Variants in RBFOX1 observed in about 807,000 individuals in gnomAD.
The protein encoded by RBFOX1 is RNA binding protein fox-1 homolog 1.
A neutral mutation model predicts 57.7 loss-of-function variants in RBFOX1; 8 were observed. That is an observed-to-expected ratio of 0.14 (90% confidence interval 0.08 to 0.25). The LOEUF (loss-of-function observed/expected upper bound fraction) is 0.25, where lower values mean the gene tolerates loss of function less well. Ranked by LOEUF, RBFOX1 falls within the 10% of genes least tolerant of loss-of-function variation. The probability of loss-of-function intolerance (pLI) is 1.00; values close to 1 mark genes in which losing one functional copy is unlikely to be tolerated. For missense variants in RBFOX1, 611 were observed against 548.5 expected, an observed-to-expected ratio of 1.11 and a Z score of -1.14; for synonymous variants, 326 against 222.4, an observed-to-expected ratio of 1.47 and a Z score of -4.15.
At chr16:7,011,413 G>C (rs1596940485) in intron 3 of RBFOX1, among the ~76,000 whole-genome samples, 2 of 152,296 alleles carry the variant, frequency 1.3e-5, no homozygotes, top group Admixed American at 6.5e-5. Context: ...GCTGTTTGTT[G>C]CTATGTGTTT....
In RBFOX1 at chr16:7,036,225, C is replaced by G. The variant is rs533975326; in HGVS notation, c.-15-15832C>G. Among the ~76,000 whole-genome samples, 813 of 150,826 alleles carry G rather than the reference C, an allele frequency of 5.4e-3. 2 individuals are homozygous for G. The highest frequency in any genetic ancestry group is 9.2e-3 in the Non-Finnish European group (621 of 67,806). On this transcript the variant is annotated intron_variant, in intron 3 of 15. Transcript: ENST00000550418. ...ACATTTTTTTTTTTTTCCATGACAG[C>G]CTTGTAGTTGTTACATGATTTATTT...
intron 4 of RBFOX1, among the ~76,000 whole-genome samples, chr16:7,117,952 T>C (rs1250683181): frequency 1.3e-5 from 2 of 152,146 alleles, no homozygotes; most frequent in Non-Finnish European, 2.9e-5. Flanking sequence ...GGGAGAGAGA[T>C]CCAGCAAGAG....
At chr16:5,698,660 A>G (rs2050924621) in intron 3 of RBFOX1, among the ~76,000 whole-genome samples, 1 of 152,192 alleles carries the variant, frequency 6.6e-6, no homozygotes, top group Non-Finnish European at 1.5e-5. Context: ...TGTCTGTAGC[A>G]ATACTGTTCA....
At chr16:5,475,151 A>T (rs191811660) in intron 2 of RBFOX1, among the ~76,000 whole-genome samples, 95 of 152,320 alleles carry the variant, frequency 6.2e-4, no homozygotes, top group Middle Eastern at 3.4e-3. Context: ...ATTTAGTGCA[A>T]ATATATTTGC....
rs114773225 is a variant in RBFOX1, at chr16:5,720,174, G to C, written c.318+121213G>C. On this transcript the variant is annotated intron_variant, in intron 3 of 19. Transcript: ENST00000641259. ...GAGGTGTATTTCTCCAGTTACTAAT[G>C]ATATTGAACATTGTGTGTGTGCTTA... Among the ~76,000 whole-genome samples, 497 of 152,282 alleles carry C rather than the reference G, an allele frequency of 3.3e-3. 2 individuals carry two copies. Among genetic ancestry groups the C allele is most frequent in the African/African-American group, 0.01 (429 of 41,560 alleles).
chr16:6,505,514 A>G (rs2153191685), intron 2 of RBFOX1, among the ~76,000 whole-genome samples: 1 of 152,334 alleles, frequency 6.6e-6, no homozygotes, highest in South Asian at 2.1e-4. Flanking sequence ...CAGTTTTTAG[A>G]CACACGTTTA....
intron 3 of RBFOX1, among the ~76,000 whole-genome samples, chr16:7,009,350 C>T (rs1161347813): frequency 6.7e-6 from 1 of 150,040 alleles, no homozygotes; most frequent in African/African-American, 2.5e-5. Context: ...GACCCTGCGC[C>T]AAGCAGTCTC....
chr16:6,417,411 A>G (rs1048343988), intron 2 of RBFOX1, among the ~76,000 whole-genome samples: 1 of 119,400 alleles, frequency 8.4e-6, no homozygotes, highest in Non-Finnish European at 1.8e-5. Flanking sequence ...AAATGTGTTT[A>G]CTTTTTTTTT....
intron 14 of RBFOX1, among the ~76,000 whole-genome samples, chr16:7,696,021 G>A (rs771239578): frequency 6.6e-6 from 1 of 152,202 alleles, no homozygotes; most frequent in African/African-American, 2.4e-5. Context: ...TTCAGGATTT[G>A]TTCTTCACGT....
intron 3 of RBFOX1, among the ~76,000 whole-genome samples, chr16:5,812,250 C>G (rs1039976549): frequency 6.6e-6 from 1 of 152,140 alleles, no homozygotes; most frequent in African/African-American, 2.4e-5. Flanking sequence ...CGGATATGAA[C>G]AGTTCTGTAT....
chr16:6,909,689 C>T (rs2071054891), intron 3 of RBFOX1, among the ~76,000 whole-genome samples: 1 of 152,178 alleles, frequency 6.6e-6, no homozygotes, highest in Non-Finnish European at 1.5e-5. Flanking sequence ...ATGTGCCTAA[C>T]ACGTGGTACA....
At chr16:7,028,596 A>T (rs1387670918) in intron 3 of RBFOX1, among the ~76,000 whole-genome samples, 1 of 37,854 alleles carries the variant, frequency 2.6e-5, no homozygotes, top group Non-Finnish European at 5.4e-5. Context: ...ACACACACAC[A>T]CACACACACA....
At chr16:7,579,687 T>G (rs529064848) in intron 5 of RBFOX1, 90 bp from the exon 6 acceptor site, 1 of 1,522,362 alleles carries the variant, frequency 6.6e-7, no homozygotes, top group South Asian at 1.2e-5. Context: ...AGTTCTGATC[T>G]TTTCCTGCCA....
chr16:5,604,817 G>T (rs1471145031), downstream of RBFOX1, among the ~76,000 whole-genome samples: 1 of 152,132 alleles, frequency 6.6e-6, no homozygotes, highest in Non-Finnish European at 1.5e-5. Flanking sequence ...GACCACTTCA[G>T]TGTTTGACCC....
intron 3 of RBFOX1, among the ~76,000 whole-genome samples, chr16:6,660,721 C>T (rs138945313): frequency 6.6e-6 from 1 of 152,036 alleles, no homozygotes; most frequent in African/African-American, 2.4e-5. Flanking sequence ...TTATATAATA[C>T]CTGGCACAAA....
chr16:7,531,674 G>A (rs965963823), intron 5 of RBFOX1, among the ~76,000 whole-genome samples: 4 of 152,150 alleles, frequency 2.6e-5, no homozygotes, highest in Non-Finnish European at 5.9e-5. Context: ...AGGGAACTGA[G>A]GCACAGGTAT....
At chr16:7,027,365 T>C (rs1444340933) in intron 3 of RBFOX1, among the ~76,000 whole-genome samples, 1 of 152,222 alleles carries the variant, frequency 6.6e-6, no homozygotes, top group African/African-American at 2.4e-5. Flanking sequence ...TAAAGTATTT[T>C]TTAGATATAA....
chr16:5,304,890 C>T (rs2063895821), intron 1 of RBFOX1, among the ~76,000 whole-genome samples: 1 of 152,176 alleles, frequency 6.6e-6, no homozygotes, highest in Admixed American at 6.5e-5. Flanking sequence ...CTCCTATTCC[C>T]TGCGAATTTG....
chr16:5,346,616 C>G lies in RBFOX1; in HGVS notation c.219+106511C>G, dbSNP rs115072322. 7.8e-3 allele frequency among the ~76,000 whole-genome samples: 1,193 copies of G among 152,326 alleles called. 18 individuals are homozygous for G. The highest frequency in any genetic ancestry group is 0.027 in the African/African-American group (1,134 of 41,558). On this transcript the variant is annotated intron_variant, in intron 1 of 2. Transcript: ENST00000585867. ...GCTTTTTCCTGTATGCACGTCTTGT[C>G]TTATCCCCTCCTGGGAATTTTCAGT...
Sources: gnomAD v4.1 joint callset for allele counts (sites outside exome capture counted in the v4.1 genomes callset) on GRCh38, gnomAD v4.1.1 for gene constraint, MANE v1.5 for transcripts, NCBI Gene and HGNC (gene_info 2026-07-23, HGNC 2026-07-21) for gene names.